The following UTRN variants were observed in gnomAD, a reference collection of about 807,000 sequenced individuals.
The protein encoded by UTRN is utrophin.
Under a neutral mutation model 463.9 loss-of-function variants are expected in UTRN, and 283 were observed. The observed-to-expected ratio is 0.61, with a 90% CI of 0.55 to 0.67. The LOEUF (loss-of-function observed/expected upper bound fraction) is 0.67, where lower values mean the gene tolerates loss of function less well. Ranked by LOEUF, UTRN falls within the 30% of genes least tolerant of loss-of-function variation. The pLI, the probability that UTRN is intolerant of heterozygous loss-of-function variation, is 0.00. For missense variants in UTRN, 3,922 were observed against 4,084.3 expected (o/e 0.96, Z 1.08); for synonymous variants, 1,442 against 1,431.5 (o/e 1.01, Z -0.17).
chr6:144,443,506 T>C (rs1249702392), intron 13 of UTRN, among the ~76,000 whole-genome samples: 2 of 152,188 alleles, frequency 1.3e-5, no homozygotes, highest in East Asian at 1.9e-4. Flanking sequence ...AGTATCAAAA[T>C]AGTATAATAT....
At chr6:144,575,050 C>T (rs1425512954) in intron 50 of UTRN, among the ~76,000 whole-genome samples, 1 of 152,114 alleles carries the variant, frequency 6.6e-6, no homozygotes, top group East Asian at 1.9e-4. Flanking sequence ...CCTGCCAACC[C>T]TTGGTATAGT....
intron 35 of UTRN, 105 bp downstream of exon 35, chr6:144,511,228 C>T (rs1795137880): frequency 8.9e-7 from 1 of 1,121,978 alleles, no homozygotes. Flanking sequence ...TACTGTGTGT[C>T]ACAGTGATGT....
intron 9 of UTRN, among the ~76,000 whole-genome samples, chr6:144,430,336 T>C (rs1332062922): frequency 6.6e-6 from 1 of 152,196 alleles, no homozygotes; most frequent in Non-Finnish European, 1.5e-5. Flanking sequence ...CTTCCTTAGT[T>C]CTACTGTTTG....
chr6:144,527,125 A>T (rs570002578), intron 41 of UTRN, among the ~76,000 whole-genome samples: 16 of 152,184 alleles, frequency 1.1e-4, no homozygotes, highest in African/African-American at 3.6e-4. Context: ...AGAAGATTCT[A>T]TTTTGTTGTA....
rs140108695 is a variant in UTRN at position 144,362,684 on chromosome 6, G to A, written c.80-40439G>A. ...ACACTTTGCCAAGACATGGAAAAAG[G>A]TCTGCATCAACACCTGAATAGTTTT... On this transcript the variant is annotated intron_variant, in intron 2 of 74. Coordinates refer to ENST00000367545, the MANE Select transcript of UTRN (RefSeq NM_007124.3). Among the ~76,000 whole-genome samples the A allele has an allele frequency of 5.9e-5, 9 of 152,354 alleles. No homozygotes were observed. In the East Asian group the frequency reaches 1.7e-3, roughly 29 times the overall value.
intron 2 of UTRN, among the ~76,000 whole-genome samples, chr6:144,297,417 T>A (rs918747169): frequency 2.0e-5 from 3 of 152,254 alleles, no homozygotes; most frequent in African/African-American, 7.2e-5. Context: ...TATTTGTTTA[T>A]CTTTCTGAGG....
At chr6:144,820,484 T>C (rs539414066) in intron 65 of UTRN, among the ~76,000 whole-genome samples, 5 of 151,868 alleles carry the variant, frequency 3.3e-5, no homozygotes, top group African/African-American at 1.2e-4. Flanking sequence ...GTTAAAACCA[T>C]TGTGGTTAAA....
chr6:144,482,326 G>T lies in UTRN; in HGVS notation c.3625G>T (p.Val1209Phe), dbSNP rs746416675. 2.5e-6 allele frequency: 4 copies of T among 1,607,706 alleles called. No individual in the cohort carries two copies. In the Admixed American group the frequency reaches 6.9e-5, roughly 28 times the overall value. Reference sequence around the variant, plus strand: ...CCAGGAGTTGACGTCTGAGCTGAATGTTGTGCTGGAGAATTACCAACTTCT... The same window carrying T: ...CCAGGAGTTGACGTCTGAGCTGAATTTTGTGCTGGAGAATTACCAACTTCT... ...GGQELTSELN[V>F]VLENYQLLCN... Residue 1209 changes from valine (V) to phenylalanine (F), a missense_variant, in exon 27 of 75, where the codon GTT becomes TTT. Around this residue, in one of 3 missense-constraint regions of UTRN, gnomAD observed 2,349 missense variants for 2,303.8 expected, o/e 1.02. Coordinates refer to ENST00000367545, the MANE Select transcript of UTRN (RefSeq NM_007124.3).
intron 51 of UTRN, among the ~76,000 whole-genome samples, chr6:144,582,868 T>TAAAAAA (rs1802104695): frequency 6.6e-6 from 1 of 152,154 alleles, no homozygotes; most frequent in Non-Finnish European, 1.5e-5. Flanking sequence ...GGGGGTGATT[T>TAAAAAA]TTTAGCACTT....
chr6:144,741,168 A>G (rs1394739974), intron 54 of UTRN, among the ~76,000 whole-genome samples: 1 of 152,226 alleles, frequency 6.6e-6, no homozygotes, highest in Non-Finnish European at 1.5e-5. Context: ...CTCTTCAATT[A>G]AACTCATCAC....
chr6:144,642,594 C>T (rs986123995), intron 51 of UTRN, among the ~76,000 whole-genome samples: 2 of 152,190 alleles, frequency 1.3e-5, no homozygotes, highest in African/African-American at 4.8e-5. Context: ...ACCTCCTCTA[C>T]TCTCTCAGGG....
intron 3 of UTRN, among the ~76,000 whole-genome samples, chr6:144,421,414 G>A (rs2114846315): frequency 6.6e-6 from 1 of 152,236 alleles, no homozygotes; most frequent in South Asian, 2.1e-4. Context: ...TTTGGGCCGG[G>A]TGCAGTGGCT....
chr6:144,830,729 G>GT (rs78932581), intron 69 of UTRN, among the ~76,000 whole-genome samples: 22,218 of 140,658 alleles, frequency 0.16, 2,405 homozygotes, highest in Admixed American at 0.37. Flanking sequence ...TTTGTTTTTT[G>GT]TTTTTTTTTT....
At chr6:144,826,752 T>G (rs2128755880) in intron 66 of UTRN, among the ~76,000 whole-genome samples, 1 of 152,326 alleles carries the variant, frequency 6.6e-6, no homozygotes, top group East Asian at 1.9e-4. Flanking sequence ...GTGTTATTTA[T>G]GATGTGACAT....
intron 43 of UTRN, among the ~76,000 whole-genome samples, chr6:144,533,783 AT>A (rs1797289833): frequency 1.3e-5 from 2 of 151,706 alleles, no homozygotes; most frequent in Non-Finnish European, 2.9e-5. Context: ...AGTGACTCAG[AT>A]TTTATTTGGG....
At chr6:144,512,435 T>A (rs930674434) in intron 35 of UTRN, among the ~76,000 whole-genome samples, 1 of 152,190 alleles carries the variant, frequency 6.6e-6, no homozygotes, top group Non-Finnish European at 1.5e-5. Context: ...AGAATCCAGA[T>A]CACTGTTGAT....
chr6:144,522,066 T>C lies in UTRN; in HGVS notation c.5628T>C (p.Ile1876=), dbSNP rs779231321. The change falls in exon 40 of 75, where the codon ATT becomes ATC. Residue 1876 remains isoleucine (I), a synonymous_variant. Coordinates refer to ENST00000367545, the MANE Select transcript of UTRN (RefSeq NM_007124.3). ...SLLPTDYLVE[I]NKILLCMDDV... ...TTCCTACAGATTATCTGGTTGAAAT[T>C]AACAAAATTTTACTTTGCATGGATG... is the stretch of plus-strand genomic sequence containing the variant. 9.4e-6 allele frequency: 15 copies of C among 1,598,070 alleles called. No individual in the cohort carries two copies. The South Asian group carries it at 1.7e-4, about 18-fold the overall frequency.
intron 41 of UTRN, among the ~76,000 whole-genome samples, chr6:144,525,932 T>C (rs1362766930): frequency 6.6e-6 from 1 of 152,210 alleles, no homozygotes; most frequent in African/African-American, 2.4e-5. Context: ...CTTGATTTCA[T>C]TGATGACCCA....
intron 2 of UTRN, among the ~76,000 whole-genome samples, chr6:144,363,860 A>G (rs1779281137): frequency 6.6e-6 from 1 of 152,222 alleles, no homozygotes; most frequent in African/African-American, 2.4e-5. Flanking sequence ...GGGTAGCTAT[A>G]AAAAGCATGC....
Sources: gnomAD v4.1 joint callset for allele counts (sites outside exome capture counted in the v4.1 genomes callset) on GRCh38, gnomAD v4.1.1 for gene constraint, gnomAD v4.1.1 regional missense constraint, MANE v1.5 for transcripts, NCBI Gene and HGNC (gene_info 2026-07-23, HGNC 2026-07-21) for gene names.